The following KCND2 variants were observed in gnomAD, a reference collection of about 807,000 sequenced individuals.
KCND2 encodes potassium voltage-gated channel subfamily D member 2.
KCND2 carries 16 observed loss-of-function variants against 54.4 expected under a neutral mutation model. That is an observed-to-expected ratio of 0.29 (90% confidence interval 0.20 to 0.45). The LOEUF is 0.45. KCND2 is among the 20% of genes least tolerant of loss of function. KCND2 has a pLI of 1.00. For missense variants in KCND2, 486 were observed against 824.2 expected (o/e 0.59, Z 5.02); for synonymous variants, 317 against 310.7 (o/e 1.02, Z -0.21).
chr7:120,462,989 G>A (rs1802305415), intron 1 of KCND2, among the ~76,000 whole-genome samples: 1 of 152,002 alleles, frequency 6.6e-6, no homozygotes, highest in East Asian at 1.9e-4. Context: ...TGTATGTCAA[G>A]CAAAGATAGG....
chr7:120,690,818 G>A (rs952531679), intron 1 of KCND2, among the ~76,000 whole-genome samples: 3 of 152,190 alleles, frequency 2.0e-5, no homozygotes, highest in African/African-American at 7.2e-5. Flanking sequence ...ATTCTAGTGG[G>A]AGGTGGGAGG....
At chr7:120,388,599 A>G (rs1801022993) in intron 1 of KCND2, among the ~76,000 whole-genome samples, 1 of 151,810 alleles carries the variant, frequency 6.6e-6, no homozygotes, top group Non-Finnish European at 1.5e-5. Flanking sequence ...CAGTTGGAAA[A>G]CTTTAAATCC....
chr7:120,554,456 TG>T (rs1275874583), intron 1 of KCND2, among the ~76,000 whole-genome samples: 4 of 152,074 alleles, frequency 2.6e-5, no homozygotes, highest in Non-Finnish European at 5.9e-5. Context: ...TAGCCCAGGC[TG>T]GAGTACAGTG....
intron 1 of KCND2, among the ~76,000 whole-genome samples, chr7:120,725,372 AC>A (rs753749844): frequency 6.6e-5 from 10 of 152,230 alleles, no homozygotes; most frequent in Non-Finnish European, 1.0e-4. Flanking sequence ...TAAAAGAAAC[AC>A]AAAATGCTGT....
At chr7:120,541,003 G>A (rs1208817324) in intron 1 of KCND2, among the ~76,000 whole-genome samples, 10 of 151,940 alleles carry the variant, frequency 6.6e-5, no homozygotes, top group Admixed American at 6.6e-4. Context: ...AATAATTCAG[G>A]ATATGAAAAC....
intron 1 of KCND2, among the ~76,000 whole-genome samples, chr7:120,595,515 A>G (rs911890108): frequency 3.5e-5 from 5 of 144,774 alleles, no homozygotes; most frequent in Non-Finnish European, 6.0e-5. Flanking sequence ...GTGTGTATAT[A>G]TATGTATATA....
Position 120,726,009 on chromosome 7 carries a change from T to C in KCND2, c.1116-6894T>C, listed in dbSNP as rs1792729352. Among the ~76,000 whole-genome samples, 3 of 152,208 alleles carry C rather than the reference T, an allele frequency of 2.0e-5. No individual in the cohort carries two copies. The South Asian group carries it at 6.2e-4, about 32-fold the overall frequency. On this transcript the variant is annotated intron_variant, in intron 1 of 5. Coordinates refer to ENST00000331113, the MANE Select transcript of KCND2 (RefSeq NM_012281.3). Reference sequence around the variant, plus strand: ...AGTGGGCGCTAATTAAGATTATTAATGCTGTGAATAGTGGAAACAGTTTTT... The same window carrying C: ...AGTGGGCGCTAATTAAGATTATTAACGCTGTGAATAGTGGAAACAGTTTTT...
intron 1 of KCND2, among the ~76,000 whole-genome samples, chr7:120,474,789 A>C (rs893186915): frequency 6.6e-6 from 1 of 152,154 alleles, no homozygotes; most frequent in African/African-American, 2.4e-5. Flanking sequence ...ATCCCAGGAC[A>C]CGTAAAGCTT....
chr7:120,468,775 G>A (rs1338237017), intron 1 of KCND2, among the ~76,000 whole-genome samples: 1 of 152,058 alleles, frequency 6.6e-6, no homozygotes, highest in East Asian at 1.9e-4. Flanking sequence ...ATTTTAATGT[G>A]ATCTGAGAAA....
At chr7:120,427,254 G>A (rs1425282490) in intron 1 of KCND2, among the ~76,000 whole-genome samples, 1 of 152,130 alleles carries the variant, frequency 6.6e-6, no homozygotes, top group Non-Finnish European at 1.5e-5. Flanking sequence ...CAAATTCCTA[G>A]GATATAGCAC....
chr7:120,346,866 A>G (rs1048223285), intron 1 of KCND2, among the ~76,000 whole-genome samples: 1 of 152,134 alleles, frequency 6.6e-6, no homozygotes, highest in African/African-American at 2.4e-5. Context: ...ATTATTAATA[A>G]CAGCTGTCAT....
chr7:120,352,255 A>T (rs1225579587), intron 1 of KCND2, among the ~76,000 whole-genome samples: 2 of 151,868 alleles, frequency 1.3e-5, no homozygotes, highest in Non-Finnish European at 2.9e-5. Flanking sequence ...GTTTTCTGTA[A>T]CAGTGGTCAT....
At chr7:120,384,815 G>A (rs1193835916) in intron 1 of KCND2, among the ~76,000 whole-genome samples, 3 of 152,164 alleles carry the variant, frequency 2.0e-5, no homozygotes, top group East Asian at 1.9e-4. Flanking sequence ...ATGCCTGGCT[G>A]CTGAGAAGGC....
At chr7:120,678,402 C>A (rs950118283) in intron 1 of KCND2, among the ~76,000 whole-genome samples, 1 of 133,258 alleles carries the variant, frequency 7.5e-6, no homozygotes, top group Non-Finnish European at 1.6e-5. Context: ...GACACATACA[C>A]ACATATATAT....
chr7:120,693,234 A>C (rs182991039), intron 1 of KCND2, among the ~76,000 whole-genome samples: 1 of 152,294 alleles, frequency 6.6e-6, no homozygotes, highest in Admixed American at 6.5e-5. Context: ...TTCTGTTGGT[A>C]TATATTGAAA....
intron 1 of KCND2, among the ~76,000 whole-genome samples, chr7:120,464,365 G>C (rs1377201851): frequency 6.6e-6 from 1 of 151,930 alleles, no homozygotes; most frequent in Non-Finnish European, 1.5e-5. Flanking sequence ...TGTCTTTGGG[G>C]GCTTAAAAGC....
intron 1 of KCND2, among the ~76,000 whole-genome samples, chr7:120,601,892 C>T (rs921930762): frequency 2.6e-5 from 4 of 152,182 alleles, no homozygotes; most frequent in Admixed American, 6.5e-5. Flanking sequence ...CACCTGCTCA[C>T]GTGTGAGGCC....
At chr7:120,624,448 A>G (rs1027937950) in intron 1 of KCND2, among the ~76,000 whole-genome samples, 3 of 152,284 alleles carry the variant, frequency 2.0e-5, no homozygotes, top group East Asian at 3.9e-4. Context: ...TTTGTATCCA[A>G]TAATATTGCA....
chr7:120,746,450 A>G (rs1260809615), intron 5 of KCND2, among the ~76,000 whole-genome samples: 1 of 152,164 alleles, frequency 6.6e-6, no homozygotes, highest in Non-Finnish European at 1.5e-5. Context: ...ATACAAACAC[A>G]CTGTCTGTAA....
Sources: allele counts gnomAD v4.1 joint callset (sites outside exome capture counted in the v4.1 genomes callset), GRCh38; gene constraint gnomAD v4.1.1; transcripts MANE v1.5; gene names NCBI Gene and HGNC (gene_info 2026-07-23, HGNC 2026-07-21).